Variants in FAM133B observed in about 807,000 individuals in gnomAD.
The protein encoded by FAM133B is family with sequence similarity 133 member B.
A neutral mutation model predicts 46.4 loss-of-function variants in FAM133B; 25 were observed. The observed-to-expected ratio is 0.54, with a 90% CI of 0.39 to 0.75. The LOEUF (loss-of-function observed/expected upper bound fraction) is 0.75. Ranked by LOEUF, FAM133B falls within the 30% of genes least tolerant of loss-of-function variation. The pLI is 0.00. For missense variants in FAM133B, 205 were observed against 277.6 expected (o/e 0.74, Z 1.86); for synonymous variants, 75 against 86.0 (o/e 0.87, Z 0.71).
intron 1 of FAM133B, 168 bp from the exon 2 acceptor site, chr7:92,581,771 A>T: frequency 5.5e-6 from 3 of 540,586 alleles, no homozygotes; most frequent in South Asian, 2.2e-5. Flanking sequence ...TCCTCTTTTA[A>T]GTCTTAAAAG....
intron 10 of FAM133B, among the ~76,000 whole-genome samples, chr7:92,563,846 T>C (rs1032707224): frequency 2.0e-5 from 3 of 152,208 alleles, no homozygotes; most frequent in Non-Finnish European, 4.4e-5. Context: ...ACCAAGCAAG[T>C]CTTACCATCT....
At chr7:92,578,536 C>T (rs536732721) in intron 3 of FAM133B, 143 bp from the exon 4 acceptor site, 2 of 744,888 alleles carry the variant, frequency 2.7e-6, no homozygotes, top group African/African-American at 1.7e-5. Context: ...AAAAGAAACA[C>T]AGGTGCCAAT....
chr7:92,569,970 TTA>T, intron 8 of FAM133B, 55 bp from the exon 9 acceptor site: 2 of 773,076 alleles, frequency 2.6e-6, no homozygotes, highest in Non-Finnish European at 1.9e-6. Context: ...CACACACATT[TTA>T]TGTTTCTAAG....
intron 8 of FAM133B, among the ~76,000 whole-genome samples, chr7:92,570,394 T>G (rs1182294182): frequency 6.6e-6 from 1 of 152,098 alleles, no homozygotes; most frequent in African/African-American, 2.4e-5. Flanking sequence ...CCTCTAAGTA[T>G]TTTTAATGTT....
intron 5 of FAM133B, 44 bp downstream of exon 5, chr7:92,578,106 G>C: frequency 6.6e-7 from 1 of 1,522,142 alleles, no homozygotes; most frequent in Non-Finnish European, 9.0e-7. Context: ...TTTTTTGTTG[G>C]CTCTTAATTG....
At chr7:92,582,077 T>C (rs1408168015) in intron 1 of FAM133B, among the ~76,000 whole-genome samples, 1 of 152,004 alleles carries the variant, frequency 6.6e-6, no homozygotes, top group Non-Finnish European at 1.5e-5. Flanking sequence ...GGTGAAACCC[T>C]GCCTCTACTA....
At chr7:92,579,155 T>A in intron 3 of FAM133B, 162 bp downstream of exon 3, 1 of 608,954 alleles carries the variant, frequency 1.6e-6, no homozygotes, top group South Asian at 1.9e-5. Context: ...TTCTTTTTTT[T>A]AATGGAGACA....
At position 92,560,877 on chromosome 7, in the gene FAM133B, G is replaced by A. The variant is rs1354204148; in HGVS notation, c.*1405C>T. ...TACCACTATAATTAGCACACCCTTT[G>A]TAACAGGCAAAATTGTACATCAAGT... On this transcript the variant is annotated 3_prime_UTR_variant, in exon 11 of 11. Coordinates refer to ENST00000445716, the MANE Select transcript of FAM133B (RefSeq NM_152789.4). The A allele has an allele frequency of 6.6e-6, 1 of 152,482 alleles. No individual in the cohort carries two copies. Among genetic ancestry groups the A allele is most frequent in the Non-Finnish European group, 1.5e-5 (1 of 67,994 alleles). 9.4% of individuals were successfully genotyped at this position (152,482 alleles called of 1,614,324 possible).
intron 8 of FAM133B, among the ~76,000 whole-genome samples, chr7:92,570,868 A>G (rs1353140641): frequency 2.0e-5 from 3 of 152,150 alleles, no homozygotes; most frequent in Non-Finnish European, 4.4e-5. Flanking sequence ...CTCAAATCCC[A>G]CTATCAGAAA....
At chr7:92,577,234 C>A in intron 6 of FAM133B, 39 bp from the exon 7 acceptor site, 1 of 1,326,928 alleles carries the variant, frequency 7.5e-7, no homozygotes, top group Non-Finnish European at 1.0e-6. Flanking sequence ...CTTTCTGTCT[C>A]AAAAATCTAA....
intron 3 of FAM133B, 61 bp from the exon 4 acceptor site, chr7:92,578,454 CAG>C (rs1166275914): frequency 7.2e-7 from 1 of 1,392,306 alleles, no homozygotes; most frequent in Non-Finnish European, 1.0e-6. Flanking sequence ...ACCTAATATA[CAG>C]AGACAGCCAC....
chr7:92,570,726 A>G (rs2116388802), intron 8 of FAM133B, among the ~76,000 whole-genome samples: 1 of 152,286 alleles, frequency 6.6e-6, no homozygotes, highest in East Asian at 1.9e-4. Context: ...TTTGAAGACA[A>G]ACAAAAATGC....
At chr7:92,586,356 T>A (rs946661296) in intron 1 of FAM133B, among the ~76,000 whole-genome samples, 3 of 152,230 alleles carry the variant, frequency 2.0e-5, no homozygotes, top group African/African-American at 7.2e-5. Flanking sequence ...CAACAATACT[T>A]TTCTTTAAAA....
At chr7:92,587,855 C>G (rs1795081292) in intron 1 of FAM133B, among the ~76,000 whole-genome samples, 1 of 152,096 alleles carries the variant, frequency 6.6e-6, no homozygotes, top group Admixed American at 6.5e-5. Context: ...TCAATTTTAA[C>G]AAATGTACCA....
At chr7:92,576,674 C>G (rs1250993203) in intron 7 of FAM133B, among the ~76,000 whole-genome samples, 1 of 152,198 alleles carries the variant, frequency 6.6e-6, no homozygotes, top group Admixed American at 6.5e-5. Context: ...TAACTTTTTT[C>G]TGACCAGTAA....
intron 8 of FAM133B, 135 bp from the exon 9 acceptor site, chr7:92,570,050 T>C: frequency 7.4e-6 from 3 of 405,556 alleles, no homozygotes; most frequent in Non-Finnish European, 1.3e-5. Context: ...AAGTGTAACA[T>C]TTACCAGGAT....
chr7:92,580,092 G>C lies in FAM133B; in HGVS notation c.123-697C>G, dbSNP rs76624453. 3.7e-3 allele frequency among the ~76,000 whole-genome samples: 559 copies of C among 151,870 alleles called. 3 individuals carry two copies. The highest frequency in any genetic ancestry group is 6.1e-3 in the Non-Finnish European group (416 of 67,938). ...GGGAAGCTGGAATTTTTTTTAAAAA[G>C]AGACAAGGCCTTGCTCTGTCACCCA... On this transcript the variant is annotated intron_variant, in intron 2 of 10. Transcript: ENST00000445716.
At chr7:92,590,124 G>A (rs1346543288) in intron 1 of FAM133B, 144 bp downstream of exon 1, 3 of 1,222,186 alleles carry the variant, frequency 2.5e-6, no homozygotes, top group South Asian at 2.7e-5. Flanking sequence ...CGCGCATCTG[G>A]GATCGGCGGA....
intron 5 of FAM133B, 108 bp from the exon 6 acceptor site, chr7:92,577,825 G>T: frequency 1.2e-6 from 1 of 854,602 alleles, no homozygotes; most frequent in Non-Finnish European, 1.8e-6. Context: ...AGAAACAGAT[G>T]CCATATTCAT....
Sources: allele counts gnomAD v4.1 joint callset (sites outside exome capture counted in the v4.1 genomes callset), GRCh38; gene constraint gnomAD v4.1.1; transcripts MANE v1.5; gene names NCBI Gene and HGNC (gene_info 2026-07-23, HGNC 2026-07-21).